Variants in XKR4 observed in about 807,000 individuals in gnomAD.
The protein encoded by XKR4 is XK related 4.
In XKR4, 12 loss-of-function variants were observed where a neutral mutation model predicts 53.9. The ratio of observed to expected loss-of-function variants is 0.22; its 90% CI spans 0.14 to 0.36. The LOEUF is 0.36. XKR4 is among the 10% of genes least tolerant of loss of function. The pLI, the probability that XKR4 is intolerant of heterozygous loss-of-function variation, is 1.00. For synonymous variants in XKR4, 354 were observed against 362.4 expected (o/e 0.98, Z 0.26); for missense variants, 799 against 859.5 (o/e 0.93, Z 0.88).
chr8:55,258,966 C>T (rs1046390231), intron 1 of XKR4, among the ~76,000 whole-genome samples: 1 of 152,212 alleles, frequency 6.6e-6, no homozygotes, highest in Non-Finnish European at 1.5e-5. Context: ...GCTTGAATGT[C>T]TTCATCACAA....
chr8:55,431,892 A>G (rs1340173585), intron 2 of XKR4, among the ~76,000 whole-genome samples: 1 of 152,206 alleles, frequency 6.6e-6, no homozygotes, highest in Admixed American at 6.5e-5. Flanking sequence ...TTCTTCATGG[A>G]CTGGAAGAGC....
intron 2 of XKR4, among the ~76,000 whole-genome samples, chr8:55,440,299 G>C (rs1360945995): frequency 6.6e-6 from 1 of 152,112 alleles, no homozygotes; most frequent in Non-Finnish European, 1.5e-5. Flanking sequence ...AATTCAGTGG[G>C]TGCAAGGATG....
At chr8:55,197,575 G>T (rs1439811465) in intron 1 of XKR4, among the ~76,000 whole-genome samples, 2 of 144,642 alleles carry the variant, frequency 1.4e-5, no homozygotes, top group Middle Eastern at 3.4e-3. Context: ...ACAGAGTCTC[G>T]CTCTGTCACC....
intron 2 of XKR4, among the ~76,000 whole-genome samples, chr8:55,399,024 AC>A (rs1303942871): frequency 3.9e-5 from 6 of 152,228 alleles, no homozygotes; most frequent in African/African-American, 1.4e-4. Context: ...ATTTTAGTAC[AC>A]CACAGCACTG....
intron 1 of XKR4, among the ~76,000 whole-genome samples, chr8:55,122,299 A>T (rs192648403): frequency 8.7e-4 from 132 of 152,340 alleles, no homozygotes; most frequent in African/African-American, 3.0e-3. Context: ...ATTTTGCATA[A>T]AAATTTGTTT....
At chr8:55,141,764 C>T (rs1816707142) in intron 1 of XKR4, among the ~76,000 whole-genome samples, 1 of 151,852 alleles carries the variant, frequency 6.6e-6, no homozygotes, top group South Asian at 2.1e-4. Flanking sequence ...AACAGCTTGA[C>T]ACAGATTCAA....
intron 2 of XKR4, among the ~76,000 whole-genome samples, chr8:55,443,530 T>TAAAAAAAAAAAAAAAAAAAAAAAAAA (rs751152509): frequency 1.4e-5 from 1 of 74,030 alleles, no homozygotes; most frequent in Non-Finnish European, 2.3e-5. Flanking sequence ...TCAGTTACAT[T>TAAAAAAAAAAAAAAAAAAAAAAAAAA]AAAAAAAAAA....
intron 2 of XKR4, 152 bp from the exon 3 acceptor site, chr8:55,523,129 G>C: frequency 2.8e-6 from 2 of 705,088 alleles, no homozygotes; most frequent in East Asian, 5.6e-5. Context: ...GCAACAGAGC[G>C]AGACTCTGTC....
In XKR4 at chr8:55,523,899, C is replaced by T; in HGVS notation, c.1625C>T (p.Ala542Val). The change falls in exon 3 of 3, where the codon GCC (alanine) becomes GTC (valine). Residue 542 changes from alanine to valine, a missense_variant. Ala to Val is a moderately conservative substitution (Grantham distance 64). Coordinates refer to ENST00000327381, the MANE Select transcript of XKR4 (RefSeq NM_052898.2). ...GCCTTCACTTTGCCCCCAGACGTGG[C>T]CACAAGCACCCTACGGTCCATCTCC... Reference protein sequence around the residue: ...AAAFTLPPDVATSTLRSISNN... With the variant: ...AAAFTLPPDVVTSTLRSISNN... The T allele has an allele frequency of 6.2e-7, 1 of 1,614,208 alleles. No homozygotes were observed. The highest frequency in any genetic ancestry group is 8.5e-7 in the Non-Finnish European group (1 of 1,180,040).
At chr8:55,442,401 T>C (rs1328847837) in intron 2 of XKR4, among the ~76,000 whole-genome samples, 4 of 152,220 alleles carry the variant, frequency 2.6e-5, no homozygotes, top group Non-Finnish European at 5.9e-5. Context: ...CCTGGTGCAG[T>C]TGTTTTGGAA....
intron 1 of XKR4, among the ~76,000 whole-genome samples, chr8:55,229,757 C>T (rs754688381): frequency 1.3e-5 from 2 of 152,180 alleles, no homozygotes; most frequent in African/African-American, 2.4e-5. Flanking sequence ...ATAGGATCAC[C>T]TTGGCCCCCC....
chr8:55,465,453 A>G (rs1010060211), intron 2 of XKR4, among the ~76,000 whole-genome samples: 9 of 152,016 alleles, frequency 5.9e-5, no homozygotes, highest in African/African-American at 1.9e-4. Flanking sequence ...CTGAAACTGG[A>G]TCCCTTCCTT....
chr8:55,457,282 A>G (rs994200016), intron 2 of XKR4, among the ~76,000 whole-genome samples: 4 of 151,768 alleles, frequency 2.6e-5, no homozygotes, highest in African/African-American at 7.3e-5. Flanking sequence ...AGCTGGGACT[A>G]CAGGCGCCCA....
intron 1 of XKR4, among the ~76,000 whole-genome samples, chr8:55,146,512 G>A (rs955785361): frequency 2.0e-5 from 3 of 152,194 alleles, no homozygotes. Flanking sequence ...TGTCTGACAT[G>A]TGTCTATTTG....
chr8:55,354,069 G>A (rs1180535398), intron 1 of XKR4, among the ~76,000 whole-genome samples: 1 of 152,178 alleles, frequency 6.6e-6, no homozygotes, highest in African/African-American at 2.4e-5. Context: ...AATTGTGGAT[G>A]ATAAAACAGT....
chr8:55,140,345 T>G (rs1816685976), intron 1 of XKR4: 1 of 207,614 alleles, frequency 4.8e-6, no homozygotes, highest in Non-Finnish European at 1.0e-5. Flanking sequence ...ATTCGTTTGT[T>G]CACACACTGT....
Position 55,176,476 on chromosome 8 carries a change from C to T in XKR4, c.806+73182C>T, listed in dbSNP as rs73598832. The stretch of plus-strand genomic sequence containing the variant: ...GTGTGTGTGCGTGTGTGTGTGTGTG[C>T]ATATGTAGGAAAACTTTCCAGTTAA... On this transcript the variant is annotated intron_variant, in intron 1 of 2. Transcript: ENST00000327381. Among the ~76,000 whole-genome samples the T allele has an allele frequency of 3.3e-5, 5 of 152,082 alleles. No homozygotes were observed. In the South Asian group the frequency reaches 1.0e-3, roughly 32 times the overall value.
chr8:55,112,295 G>A (rs1816242933), intron 1 of XKR4, among the ~76,000 whole-genome samples: 1 of 152,162 alleles, frequency 6.6e-6, no homozygotes, highest in African/African-American at 2.4e-5. Flanking sequence ...AGTGGGCATT[G>A]TGTGGGGTGA....
chr8:55,182,106 T>C (rs1359906476), intron 1 of XKR4, among the ~76,000 whole-genome samples: 3 of 152,130 alleles, frequency 2.0e-5, no homozygotes, highest in Non-Finnish European at 4.4e-5. Flanking sequence ...AAATTTTTCG[T>C]TTTCTTATTG....
Sources: gnomAD v4.1 joint callset for allele counts (sites outside exome capture counted in the v4.1 genomes callset) on GRCh38, gnomAD v4.1.1 for gene constraint, MANE v1.5 for transcripts, NCBI Gene and HGNC (gene_info 2026-07-23, HGNC 2026-07-21) for gene names.